Variants in RERE observed in about 807,000 individuals in gnomAD.
RERE encodes the protein arginine-glutamic acid dipeptide repeats, also known as arginine-glutamic acid dipeptide repeats protein.
In RERE, 40 loss-of-function variants were observed where a neutral mutation model predicts 146.1. That is an observed-to-expected ratio of 0.27 (90% CI 0.21 to 0.36). The LOEUF is 0.36. Ranked by LOEUF, RERE falls within the 10% of genes least tolerant of loss-of-function variation. The pLI, the probability that RERE is intolerant of heterozygous loss-of-function variation, is 1.00. For missense variants in RERE, 1,933 were observed against 2,138.7 expected (o/e 0.90, Z 1.90); for synonymous variants, 1,003 against 866.0 (o/e 1.16, Z -2.78).
At chr1:8,641,230 C>T (rs537241441) in intron 2 of RERE, among the ~76,000 whole-genome samples, 21 of 152,286 alleles carry the variant, frequency 1.4e-4, no homozygotes, top group African/African-American at 5.1e-4. Context: ...CAAATACCAC[C>T]ATGCCACTTC....
rs940763243 is a variant in RERE, at chr1:8,817,144, C to T, written c.-145+16G>A. On this transcript the variant is annotated intron_variant, in intron 1 of 22. Transcript: ENST00000400908. ...AAGAAAGCACACGACCCGGCGCGGG[C>T]AAGTTGGACACTTACCTTCCCCTAA... 1 of 152,286 alleles carries T rather than the reference C, an allele frequency of 6.6e-6. No homozygotes were observed. The highest frequency in any genetic ancestry group is 1.5e-5 in the Non-Finnish European group (1 of 68,082). 9.4% of individuals were successfully genotyped at this position (152,286 alleles called of 1,614,324 possible).
intron 1 of RERE, among the ~76,000 whole-genome samples, chr1:8,744,684 T>C (rs1640385759): frequency 6.6e-6 from 1 of 152,004 alleles, no homozygotes; most frequent in Non-Finnish European, 1.5e-5. Context: ...AACACAGAAA[T>C]AGAGGTGTTA....
Position 8,356,003 on chromosome 1 carries a change from C to T in RERE, c.4486+97G>A. The T allele has an allele frequency of 7.6e-7, 1 of 1,320,848 alleles. No individual in the cohort carries two copies. Among genetic ancestry groups the T allele is most frequent in the Non-Finnish European group, 1.0e-6 (1 of 990,134 alleles). The allele number at this position is 1,320,848 out of a possible 1,614,324, so 81.8% of individuals were successfully genotyped here. A position where few individuals can be genotyped will look rare whatever the true frequency, so the allele number is the denominator to read the frequency against. On this transcript the variant is annotated intron_variant, in intron 21 of 22. Coordinates refer to ENST00000400908, the MANE Select transcript of RERE (RefSeq NM_001042681.2). This position sits in a 1 kb window ranked among gnomAD's most constrained non-coding sequence, Gnocchi z 5.2. Reference sequence around the variant, plus strand: ...GGGGAGCGAACCCACCTGCTCAATGCATGAATGAATGAATGAGTAATGAAT... The same window carrying T: ...GGGGAGCGAACCCACCTGCTCAATGTATGAATGAATGAATGAGTAATGAAT...
chr1:8,381,072 CTA>C (rs1373306204), intron 12 of RERE: 1 of 454,644 alleles, frequency 2.2e-6, no homozygotes, highest in East Asian at 7.0e-5. Context: ...CCCTCCAGCT[CTA>C]TGTGCTGTCA....
intron 1 of RERE, among the ~76,000 whole-genome samples, chr1:8,705,545 A>T (rs1182399621): frequency 6.6e-6 from 1 of 152,216 alleles, no homozygotes; most frequent in Non-Finnish European, 1.5e-5. Context: ...AAGTTCTCAT[A>T]GAACTGTGTT....
intron 12 of RERE, among the ~76,000 whole-genome samples, chr1:8,387,758 T>A (rs1394003489): frequency 2.6e-5 from 4 of 152,236 alleles, no homozygotes; most frequent in African/African-American, 9.6e-5. Flanking sequence ...GTTTATAATG[T>A]TGGTAAGCAT....
intron 12 of RERE, among the ~76,000 whole-genome samples, chr1:8,422,059 A>G (rs1643917594): frequency 6.6e-6 from 1 of 152,214 alleles, no homozygotes; most frequent in South Asian, 2.1e-4. Flanking sequence ...TTCTCTTCAT[A>G]TAATTTCACT....
intron 5 of RERE, among the ~76,000 whole-genome samples, chr1:8,557,058 T>C (rs548822942): frequency 1.9e-4 from 28 of 150,380 alleles, no homozygotes; most frequent in African/African-American, 6.6e-4. Flanking sequence ...AACAGAAAGA[T>C]AAAAAAAGAA....
intron 1 of RERE, among the ~76,000 whole-genome samples, chr1:8,713,024 C>T (rs1639698484): frequency 1.3e-5 from 2 of 152,172 alleles, no homozygotes; most frequent in African/African-American, 4.8e-5. Context: ...AAAAGGTACT[C>T]ATATAACTAG....
At chr1:8,588,037 TC>T (rs1337420311) in intron 4 of RERE, among the ~76,000 whole-genome samples, 1 of 152,090 alleles carries the variant, frequency 6.6e-6, no homozygotes, top group African/African-American at 2.4e-5. Context: ...CACATTAAGT[TC>T]CCACTATGTG....
intron 1 of RERE, among the ~76,000 whole-genome samples, chr1:8,783,995 A>C (rs1641216134): frequency 6.6e-6 from 1 of 152,128 alleles, no homozygotes; most frequent in Non-Finnish European, 1.5e-5. Context: ...GCCAACCGAC[A>C]CCTTGATTTC....
chr1:8,364,162 A>G lies in RERE; in HGVS notation c.1634T>C (p.Ile545Thr). The change falls in exon 15 of 23, where the codon ATT (isoleucine) becomes ACT (threonine). Residue 545 changes from isoleucine to threonine, a missense_variant. Transcript: ENST00000400908. This position sits in a 1 kb window ranked among gnomAD's most constrained non-coding sequence, Gnocchi z 5.1. ...HFKKYGELPP[I>T]EKPVDPPPFM... ...CGGTGGCGGGTCCACGGGCTTCTCA[A>G]TGGGCGGGAGCTCACCGTATTTCTT... 1 of 1,614,102 alleles carries G rather than the reference A, an allele frequency of 6.2e-7. No individual in the cohort carries two copies. The highest frequency in any genetic ancestry group is 8.5e-7 in the Non-Finnish European group (1 of 1,179,990).
At chr1:8,772,213 A>G (rs1640966470) in intron 1 of RERE, among the ~76,000 whole-genome samples, 1 of 152,106 alleles carries the variant, frequency 6.6e-6, no homozygotes, top group African/African-American at 2.4e-5. Context: ...TATATACTCA[A>G]TTACAAACAT....
At chr1:8,441,243 C>T (rs1644243893) in intron 11 of RERE, among the ~76,000 whole-genome samples, 1 of 152,158 alleles carries the variant, frequency 6.6e-6, no homozygotes, top group South Asian at 2.1e-4. Context: ...ATGTGTAAGA[C>T]CATAGTCCGC....
chr1:8,704,376 A>G (rs1006185171), intron 1 of RERE, among the ~76,000 whole-genome samples: 2 of 152,190 alleles, frequency 1.3e-5, no homozygotes, highest in Admixed American at 6.5e-5. Flanking sequence ...CTCAGTGTCA[A>G]CCCAAATTAG....
chr1:8,554,353 G>A (rs1430057043), intron 6 of RERE, among the ~76,000 whole-genome samples: 1 of 152,106 alleles, frequency 6.6e-6, no homozygotes, highest in African/African-American at 2.4e-5. Flanking sequence ...AGACAAGACG[G>A]AAACAGGAAG....
intron 20 of RERE, 126 bp downstream of exon 20, chr1:8,358,069 AG>A (rs1641367924): frequency 1.4e-6 from 2 of 1,463,804 alleles, no homozygotes; most frequent in Non-Finnish European, 1.8e-6. Context: ...AGCTCTTCTA[AG>A]ATCTGCCAGG....
At chr1:8,695,587 TAA>T (rs34953565) in intron 1 of RERE, among the ~76,000 whole-genome samples, 67 of 36,726 alleles carry the variant, frequency 1.8e-3, no homozygotes, top group East Asian at 3.3e-3. Context: ...CCATTTCTAC[TAA>T]AAAAAAAAAA....
chr1:8,689,721 C>T (rs1054380991), intron 1 of RERE, among the ~76,000 whole-genome samples: 7 of 148,962 alleles, frequency 4.7e-5, no homozygotes, highest in Admixed American at 1.3e-4. Context: ...CTAAGCAAAG[C>T]GATTATAAGA....
Sources: gnomAD v4.1 joint callset for allele counts (sites outside exome capture counted in the v4.1 genomes callset) on GRCh38, gnomAD v4.1.1 for gene constraint, Gnocchi (gnomAD v3.1) non-coding constraint, MANE v1.5 for transcripts, NCBI Gene and HGNC (gene_info 2026-07-23, HGNC 2026-07-21) for gene names.